Variants in SPMAP2L observed in about 807,000 individuals in gnomAD.
SPMAP2L encodes sperm microtubule associated protein 2-like.
the SPMAP2L span, among the ~76,000 whole-genome samples, chr4:56,580,257 A>G: frequency 6.6e-6 from 1 of 152,214 alleles, no homozygotes; most frequent in Non-Finnish European, 1.5e-5. Context: ...CAAAATGTAA[A>G]AAAAATTATA....
chr4:56,618,054 A>G, the SPMAP2L span, among the ~76,000 whole-genome samples: 1 of 152,060 alleles, frequency 6.6e-6, no homozygotes, highest in Non-Finnish European at 1.5e-5. Context: ...TCGGGCTTTT[A>G]CATGGCCAGG....
At chr4:56,574,419 T>TA in the SPMAP2L span, among the ~76,000 whole-genome samples, 1 of 151,918 alleles carries the variant, frequency 6.6e-6, no homozygotes, top group East Asian at 1.9e-4. Context: ...ATCGTGCTTC[T>TA]AAAAATAATA....
chr4:56,538,269 A>G, the SPMAP2L span, among the ~76,000 whole-genome samples: 1 of 148,122 alleles, frequency 6.8e-6, no homozygotes, highest in Non-Finnish European at 1.5e-5. Flanking sequence ...TGTTCCTCCA[A>G]AAGGTGAACC....
chr4:56,553,664 G>A, the SPMAP2L span, among the ~76,000 whole-genome samples: 1 of 151,854 alleles, frequency 6.6e-6, no homozygotes, highest in Non-Finnish European at 1.5e-5. Context: ...AAATTGATGA[G>A]CCAATATTGA....
At chr4:56,601,148 G>A in the SPMAP2L span, 2 of 1,498,268 alleles carry the variant, frequency 1.3e-6, no homozygotes, top group Non-Finnish European at 1.8e-6. Context: ...AGGAAAGGCT[G>A]GGGTTCTGGG....
the SPMAP2L span, among the ~76,000 whole-genome samples, chr4:56,619,281 A>G: frequency 1.3e-5 from 2 of 152,174 alleles, no homozygotes; most frequent in African/African-American, 2.4e-5. Flanking sequence ...AAACCTCTAA[A>G]AGCAAAACTG....
the SPMAP2L span, among the ~76,000 whole-genome samples, chr4:56,553,992 T>C: frequency 3.1e-5 from 1 of 32,218 alleles, no homozygotes; most frequent in African/African-American, 6.0e-5. Flanking sequence ...TTAAGCTTCC[T>C]TTATGTTTTT....
the SPMAP2L span, among the ~76,000 whole-genome samples, chr4:56,544,645 G>A: frequency 6.6e-6 from 1 of 151,730 alleles, no homozygotes; most frequent in African/African-American, 2.4e-5. Flanking sequence ...AACTTGTGTC[G>A]CAGTTCGAGT....
chr4:56,594,477 G>T, the SPMAP2L span: 2 of 1,606,046 alleles, frequency 1.2e-6, no homozygotes, highest in African/African-American at 2.7e-5. Flanking sequence ...GAACTCACAG[G>T]TTATGACCAG....
At chr4:56,587,610 T>C in the SPMAP2L span, among the ~76,000 whole-genome samples, 1 of 152,230 alleles carries the variant, frequency 6.6e-6, no homozygotes, top group Non-Finnish European at 1.5e-5. Context: ...AGAATAATTG[T>C]CTCCAATTTC....
At chr4:56,609,050 C>CTTTTTTTT in the SPMAP2L span, among the ~76,000 whole-genome samples, 9 of 115,614 alleles carry the variant, frequency 7.8e-5, no homozygotes, top group Admixed American at 1.8e-4. Context: ...TTCTTTCTTT[C>CTTTTTTTT]TTTTTTTTTT....
chr4:56,570,379 A>G, the SPMAP2L span, among the ~76,000 whole-genome samples: 2 of 152,248 alleles, frequency 1.3e-5, no homozygotes, highest in Admixed American at 6.5e-5. Flanking sequence ...GTGCACTCAC[A>G]CAAACCTAGA....
chr4:56,605,750 A>G, the SPMAP2L span, among the ~76,000 whole-genome samples: 2 of 152,168 alleles, frequency 1.3e-5, no homozygotes, highest in African/African-American at 4.8e-5. Flanking sequence ...AAGGAGCCCA[A>G]TTAACTGATA....
At chr4:56,615,575 C>T in the SPMAP2L span, among the ~76,000 whole-genome samples, 205 of 152,102 alleles carry the variant, frequency 1.3e-3, 1 homozygote, top group African/African-American at 4.8e-3. Context: ...GGCGAAACCC[C>T]GTCTCTACTA....
At chr4:56,556,474 T>A in the SPMAP2L span, among the ~76,000 whole-genome samples, 5 of 152,246 alleles carry the variant, frequency 3.3e-5, no homozygotes, top group Non-Finnish European at 7.3e-5. Flanking sequence ...CAGATGATTT[T>A]GAGACATTCA....
At chr4:56,543,810 T>C in the SPMAP2L span, among the ~76,000 whole-genome samples, 405 of 152,254 alleles carry the variant, frequency 2.7e-3, 8 homozygotes, top group South Asian at 0.037. Flanking sequence ...TCTTATTCCT[T>C]TCCTTCGCTT....
chr4:56,600,455 A>C, the SPMAP2L span, among the ~76,000 whole-genome samples: 1 of 151,910 alleles, frequency 6.6e-6, no homozygotes, highest in Non-Finnish European at 1.5e-5. Flanking sequence ...CACCAAGCCC[A>C]GCTAATTTTT....
At chr4:56,546,746 T>G in the SPMAP2L span, among the ~76,000 whole-genome samples, 4 of 152,142 alleles carry the variant, frequency 2.6e-5, no homozygotes, top group African/African-American at 9.7e-5. Context: ...ACTGATTCAG[T>G]TTTTTACTGA....
At chr4:56,618,627 G>A in the SPMAP2L span, among the ~76,000 whole-genome samples, 3 of 152,150 alleles carry the variant, frequency 2.0e-5, no homozygotes, top group Admixed American at 2.0e-4. Flanking sequence ...ACAGCATGAA[G>A]GTTACCGCCC....
Sources: gnomAD v4.1 joint callset for allele counts (sites outside exome capture counted in the v4.1 genomes callset) on GRCh38, gnomAD v4.1.1 for gene constraint, MANE v1.5 for transcripts, NCBI Gene and HGNC (gene_info 2026-07-23, HGNC 2026-07-21) for gene names.